Variants in WNT3A observed in about 807,000 individuals in gnomAD.
WNT3A encodes the protein Wnt family member 3A.
Under a neutral mutation model 37.0 loss-of-function variants are expected in WNT3A, and 17 were observed. That is an observed-to-expected ratio of 0.46 (90% CI 0.31 to 0.69). WNT3A has a LOEUF of 0.69. Ranked by LOEUF, WNT3A falls within the 30% of genes least tolerant of loss-of-function variation. The probability of loss-of-function intolerance (pLI) is 0.05; values close to 1 mark genes in which losing one functional copy is unlikely to be tolerated. For synonymous variants in WNT3A, 187 were observed against 211.0 expected, an observed-to-expected ratio of 0.89 and a Z score of 0.99; for missense variants, 411 against 510.2, an observed-to-expected ratio of 0.81 and a Z score of 1.87.
At chr1:228,056,972 G>A (rs1021891108) in intron 3 of WNT3A, among the ~76,000 whole-genome samples, 4 of 152,044 alleles carry the variant, frequency 2.6e-5, no homozygotes, top group African/African-American at 7.3e-5. Flanking sequence ...TTTTAGACAT[G>A]GACATTTCAA....
At chr1:228,019,179 G>A (rs918144068) in intron 1 of WNT3A, among the ~76,000 whole-genome samples, 2 of 152,212 alleles carry the variant, frequency 1.3e-5, no homozygotes, top group African/African-American at 4.8e-5. Flanking sequence ...AGACTTGGGA[G>A]TCCACCTCTC....
chr1:228,024,886 G>GA (rs376763912), intron 2 of WNT3A, among the ~76,000 whole-genome samples: 26 of 152,088 alleles, frequency 1.7e-4, no homozygotes, highest in African/African-American at 5.1e-4. Context: ...ACCTTCTATG[G>GA]AAAAAACTGT....
At chr1:228,029,746 C>T (rs879529366) in intron 2 of WNT3A, among the ~76,000 whole-genome samples, 1 of 151,316 alleles carries the variant, frequency 6.6e-6, no homozygotes, top group South Asian at 2.1e-4. Flanking sequence ...GCCCACCCCC[C>T]CCCCAATTCC....
intron 3 of WNT3A, among the ~76,000 whole-genome samples, chr1:228,056,975 C>T (rs2102783363): frequency 6.6e-6 from 1 of 152,026 alleles, no homozygotes; most frequent in Non-Finnish European, 1.5e-5. Flanking sequence ...TAGACATGGA[C>T]ATTTCAAAAA....
At position 228,038,148 on chromosome 1, in the gene WNT3A, G is replaced by A. The variant is rs568423176; in HGVS notation, c.314-12508G>A. On this transcript the variant is annotated intron_variant, in intron 2 of 3. Transcript: ENST00000284523. The surrounding 1 kb of genome is among the most constrained non-coding windows in gnomAD (Gnocchi z 5.7). ...CCGCATTCCGCTCTCAGGTGGCTCC[G>A]GGGCCTTTTGTGCAGGCCATGATTA... Among the ~76,000 whole-genome samples the A allele has an allele frequency of 1.2e-4, 18 of 152,052 alleles. No homozygotes were observed. Among genetic ancestry groups the A allele is most frequent in the South Asian group, 1.0e-3 (5 of 4,824 alleles).
chr1:228,023,458 G>GAC (rs2030780257), intron 2 of WNT3A, among the ~76,000 whole-genome samples: 1 of 151,730 alleles, frequency 6.6e-6, no homozygotes, highest in South Asian at 2.1e-4. Flanking sequence ...CAGAGAGAGA[G>GAC]ACAGAGAGGG....
At position 228,018,358 on chromosome 1, in the gene WNT3A, C is replaced by T. The variant is rs148096794; in HGVS notation, c.72-4309C>T. 6.4e-3 allele frequency among the ~76,000 whole-genome samples: 971 copies of T among 152,062 alleles called. 10 individuals are homozygous for T. The highest frequency in any genetic ancestry group is 0.022 in the African/African-American group (904 of 41,468). ...TTCTCCTTGGATTAGAAATTTGGAT[C>T]CTAGGAGCTTTTGGGGGCTGGTGTG... On this transcript the variant is annotated intron_variant, in intron 1 of 3. Transcript: ENST00000284523.
At position 228,050,334 on chromosome 1, in the gene WNT3A, T is replaced by C. The variant is rs1184879747; in HGVS notation, c.314-322T>C. On this transcript the variant is annotated intron_variant, in intron 2 of 3. Transcript: ENST00000284523. This position sits in a 1 kb window ranked among gnomAD's most constrained non-coding sequence, Gnocchi z 5.0. Reference sequence around the variant, plus strand: ...AGCCACTGTACTTAGCCAAAGTTGCTTGTTAAAAAGAGCCTGGTACCAACC... The same window carrying C: ...AGCCACTGTACTTAGCCAAAGTTGCCTGTTAAAAAGAGCCTGGTACCAACC... 6.6e-6 allele frequency among the ~76,000 whole-genome samples: 1 copy of C among 152,218 alleles called. No individual in the cohort carries two copies. Among genetic ancestry groups the C allele is most frequent in the Non-Finnish European group, 1.5e-5 (1 of 68,036 alleles).
At chr1:228,058,297 T>G (rs1209035548) in intron 3 of WNT3A, among the ~76,000 whole-genome samples, 1 of 152,218 alleles carries the variant, frequency 6.6e-6, no homozygotes, top group East Asian at 1.9e-4. Flanking sequence ...GGCTCCTGTC[T>G]GTCCAGTGGC....
At chr1:228,041,149 C>A (rs1571807958) in intron 2 of WNT3A, among the ~76,000 whole-genome samples, 1 of 151,890 alleles carries the variant, frequency 6.6e-6, no homozygotes, top group South Asian at 2.1e-4. Flanking sequence ...ACTTGAAAAG[C>A]CCATTAAATC....
At chr1:228,058,086 C>G (rs1392741882) in intron 3 of WNT3A, among the ~76,000 whole-genome samples, 1 of 152,222 alleles carries the variant, frequency 6.6e-6, no homozygotes, top group Non-Finnish European at 1.5e-5. Context: ...CAGGCATGAG[C>G]CACCATGCCC....
chr1:228,023,642 C>G (rs1237820655), intron 2 of WNT3A, among the ~76,000 whole-genome samples: 2 of 152,010 alleles, frequency 1.3e-5, no homozygotes, highest in Admixed American at 6.5e-5. Flanking sequence ...AAGATTAAAA[C>G]TTTAGCATCT....
In WNT3A at chr1:228,022,817, C is replaced by T; in HGVS notation, c.222C>T (p.Ile74=). 6.2e-7 allele frequency: 1 copy of T among 1,614,088 alleles called. No individual in the cohort carries two copies. Among genetic ancestry groups the T allele is most frequent in the South Asian group, 1.1e-5 (1 of 91,082 alleles). Reference sequence around the variant, plus strand: ...TGGCCGAGGGCATCAAGATTGGCATCCAGGAGTGCCAGCACCAGTTCCGCG... The same window carrying T: ...TGGCCGAGGGCATCAAGATTGGCATTCAGGAGTGCCAGCACCAGTTCCGCG... ...PSVAEGIKIG[I]QECQHQFRGR... The change falls in exon 2 of 4, where the codon ATC becomes ATT. Residue 74 remains isoleucine, a synonymous_variant. Coordinates refer to ENST00000284523, the MANE Select transcript of WNT3A (RefSeq NM_033131.4).
intron 2 of WNT3A, among the ~76,000 whole-genome samples, chr1:228,032,584 T>C (rs1192310693): frequency 6.6e-6 from 1 of 152,218 alleles, no homozygotes; most frequent in Non-Finnish European, 1.5e-5. Flanking sequence ...CCATATTTTG[T>C]TTATCCATTC....
At position 228,050,619 on chromosome 1, in the gene WNT3A, G is replaced by C; in HGVS notation, c.314-37G>C. On this transcript the variant is annotated intron_variant, in intron 2 of 3. Coordinates refer to ENST00000284523, the MANE Select transcript of WNT3A (RefSeq NM_033131.4). This position sits in a 1 kb window ranked among gnomAD's most constrained non-coding sequence, Gnocchi z 5.0. ...CCTGCCCAAGGCGGTCCTTTGAGCT[G>C]AGCCCTGTTAACCCTGCATCTCTCC... The C allele has an allele frequency of 2.6e-6, 4 of 1,549,546 alleles. No individual in the cohort carries two copies. The highest frequency in any genetic ancestry group is 3.5e-6 in the Non-Finnish European group (4 of 1,145,616).
chr1:228,053,240 G>A (rs370641864), intron 3 of WNT3A, among the ~76,000 whole-genome samples: 5 of 152,224 alleles, frequency 3.3e-5, no homozygotes, highest in African/African-American at 9.6e-5. Flanking sequence ...TCAGTCTCAG[G>A]TGTTACGTTG....
At chr1:228,030,260 G>T (rs1233844300) in intron 2 of WNT3A, among the ~76,000 whole-genome samples, 1 of 151,734 alleles carries the variant, frequency 6.6e-6, no homozygotes, top group Non-Finnish European at 1.5e-5. Flanking sequence ...GCCAAGGGGG[G>T]TGGTGGGCAT....
chr1:228,059,689 G>A lies in WNT3A; in HGVS notation c.*224G>A. ...TGGTGGCTGGGCTGCTCCTGAATGA[G>A]GCGGAGCTCCAGGATGGGGAGGGGC... On this transcript the variant is annotated 3_prime_UTR_variant, in exon 4 of 4. Transcript: ENST00000284523. The A allele has an allele frequency of 1.5e-6, 2 of 1,346,084 alleles. No individual in the cohort carries two copies. Among genetic ancestry groups the A allele is most frequent in the East Asian group, 5.9e-5 (2 of 33,618 alleles). 83.4% of individuals were successfully genotyped at this position (1,346,084 alleles called of 1,614,324 possible).
At chr1:228,040,885 CA>C (rs11328093) in intron 2 of WNT3A, among the ~76,000 whole-genome samples, 95,029 of 118,560 alleles carry the variant, frequency 0.8, 37,478 homozygotes, top group Middle Eastern at 0.87. Context: ...GACTCTATCT[CA>C]AAAAAAAAAA....
Sources: allele counts gnomAD v4.1 joint callset (sites outside exome capture counted in the v4.1 genomes callset), GRCh38; gene constraint gnomAD v4.1.1; non-coding constraint Gnocchi (gnomAD v3.1); transcripts MANE v1.5; gene names NCBI Gene and HGNC (gene_info 2026-07-23, HGNC 2026-07-21).